Variants in PDZK1 observed in about 807,000 individuals in gnomAD.
The protein encoded by PDZK1 is Na(+)/H(+) exchange regulatory cofactor NHE-RF3.
In PDZK1, 23 loss-of-function variants were observed where a neutral mutation model predicts 38.1. The observed-to-expected ratio is 0.60, with a 90% CI of 0.43 to 0.85. PDZK1 has a LOEUF of 0.85. PDZK1 is among the 40% of genes least tolerant of loss of function. PDZK1 has a pLI of 0.00. For synonymous variants in PDZK1, 98 were observed against 186.2 expected (o/e 0.53, Z 3.86); for missense variants, 297 against 504.3 (o/e 0.59, Z 3.94).
chr1:145,688,564 C>A (rs993068844), intron 1 of PDZK1, among the ~76,000 whole-genome samples: 1 of 151,888 alleles, frequency 6.6e-6, no homozygotes, highest in Non-Finnish European at 1.5e-5. Flanking sequence ...GAATAGGGAG[C>A]GGGATGGGAA....
At position 145,702,766 on chromosome 1, in the gene PDZK1, G is replaced by A. The variant is rs1038290010; in HGVS notation, c.-3+4551C>T. 5.9e-5 allele frequency among the ~76,000 whole-genome samples: 9 copies of A among 152,186 alleles called. No homozygotes were observed. The South Asian group carries it at 1.2e-3, about 21-fold the overall frequency. On this transcript the variant is annotated intron_variant, in intron 1 of 8. Transcript: ENST00000417171. ...AAATTAGCTGGGTGTGGTGGCGGAC[G>A]CCTGTAGTCCAAGCTACTCGGGAGG...
intron 5 of PDZK1, among the ~76,000 whole-genome samples, chr1:145,679,742 C>A (rs1286507918): frequency 2.0e-5 from 3 of 152,140 alleles, no homozygotes; most frequent in Non-Finnish European, 4.4e-5. Flanking sequence ...ATGTGCAAAG[C>A]CCCCAAGACA....
intron 3 of PDZK1, among the ~76,000 whole-genome samples, chr1:145,685,260 T>C (rs1553701406): frequency 6.6e-6 from 1 of 152,064 alleles, no homozygotes; most frequent in East Asian, 1.9e-4. Context: ...AAGGGATCGC[T>C]TGCTAATGAC....
intron 1 of PDZK1, among the ~76,000 whole-genome samples, chr1:145,694,840 T>C (rs1163559139): frequency 2.3e-5 from 3 of 129,724 alleles, no homozygotes; most frequent in East Asian, 2.3e-4. Flanking sequence ...GAGGTTACAG[T>C]GTGCTGAGAT....
intron 1 of PDZK1, 128 bp downstream of exon 1, chr1:145,707,189 A>G (rs1451774015): frequency 1.3e-5 from 2 of 152,298 alleles, no homozygotes; most frequent in Non-Finnish European, 2.9e-5. Flanking sequence ...CTGCCTCCCC[A>G]TGGGACTCTT....
intron 1 of PDZK1, among the ~76,000 whole-genome samples, chr1:145,693,055 C>G (rs1655352725): frequency 1.3e-5 from 2 of 152,064 alleles, no homozygotes; most frequent in Admixed American, 6.5e-5. Flanking sequence ...AGAGACCAGA[C>G]AAAACATGGG....
chr1:145,671,278 G>T lies in PDZK1; in HGVS notation c.*158C>A. 3 of 1,219,130 alleles carry T rather than the reference G, an allele frequency of 2.5e-6. No homozygotes were observed. Among genetic ancestry groups the T allele is most frequent in the Non-Finnish European group, 3.3e-6 (3 of 902,486 alleles). The allele number at this position is 1,219,130 out of a possible 1,614,324, so 75.5% of individuals were successfully genotyped here. A position where few individuals can be genotyped will look rare whatever the true frequency, so the allele number is the denominator to read the frequency against. ...TGCAATAGCCGCCTGTAAGACAAAT[G>T]ATAACAGAAGACAATCACACATGGT... is the stretch of plus-strand genomic sequence containing the variant. On this transcript the variant is annotated 3_prime_UTR_variant, in exon 9 of 9. Coordinates refer to ENST00000417171, the MANE Select transcript of PDZK1 (RefSeq NM_001201325.2).
chr1:145,706,198 G>A (rs782646023), intron 1 of PDZK1, among the ~76,000 whole-genome samples: 15 of 152,180 alleles, frequency 9.9e-5, no homozygotes, highest in Non-Finnish European at 1.8e-4. Flanking sequence ...TCAAAACTCT[G>A]ATGATTTGTA....
At chr1:145,681,796 C>G (rs1654288741) in intron 4 of PDZK1, among the ~76,000 whole-genome samples, 1 of 100,492 alleles carries the variant, frequency 1.0e-5, no homozygotes, top group African/African-American at 4.6e-5. Flanking sequence ...TTTTAAGGTT[C>G]CATATGACCT....
At chr1:145,703,477 A>T (rs1175253743) in intron 1 of PDZK1, among the ~76,000 whole-genome samples, 1 of 152,162 alleles carries the variant, frequency 6.6e-6, no homozygotes, top group Non-Finnish European at 1.5e-5. Flanking sequence ...ACAAGGAAAA[A>T]GAAAAGAGAC....
intron 1 of PDZK1, chr1:145,691,775 A>T (rs1553703225): frequency 2.0e-5 from 3 of 152,028 alleles, no homozygotes; most frequent in Non-Finnish European, 4.4e-5. Flanking sequence ...GCACCACTGC[A>T]CTCCAGCCTG....
intron 8 of PDZK1, 67 bp from the exon 9 acceptor site, chr1:145,671,556 GT>G: frequency 1.0e-6 from 1 of 977,554 alleles, no homozygotes; most frequent in Non-Finnish European, 1.5e-6. Context: ...CTATTCTAGA[GT>G]TGCATGACTT....
At chr1:145,705,313 A>T (rs994411281) in intron 1 of PDZK1, among the ~76,000 whole-genome samples, 6 of 151,530 alleles carry the variant, frequency 4.0e-5, no homozygotes, top group African/African-American at 1.5e-4. Context: ...CTGGTCTTGA[A>T]CTCCTGACCT....
intron 1 of PDZK1, chr1:145,691,685 T>G (rs1318531938): frequency 6.6e-6 from 1 of 152,190 alleles, no homozygotes; most frequent in African/African-American, 2.4e-5. Flanking sequence ...GGTACACATC[T>G]TTAGTCCCAG....
At chr1:145,693,497 G>A (rs140088440) in intron 1 of PDZK1, among the ~76,000 whole-genome samples, 2,990 of 151,624 alleles carry the variant, frequency 0.02, 43 homozygotes, top group South Asian at 0.029. Context: ...TGCCGGGCGC[G>A]GTGGCTCACG....
At position 145,677,790 on chromosome 1, in the gene PDZK1, T is replaced by C. The variant is rs587606850; in HGVS notation, c.990+659A>G. On this transcript the variant is annotated intron_variant, in intron 6 of 8. Coordinates refer to ENST00000417171, the MANE Select transcript of PDZK1 (RefSeq NM_001201325.2). ...TATTTTAGATTCTACTATCATTGTA[T>C]ATCACAGAGGACATTTATCTTGTTC... 4.6e-4 allele frequency among the ~76,000 whole-genome samples: 68 copies of C among 148,506 alleles called. 2 individuals carry two copies. The highest frequency in any genetic ancestry group is 1.6e-3 in the African/African-American group (63 of 39,126).
At chr1:145,680,336 G>A (rs1429304097) in intron 5 of PDZK1, among the ~76,000 whole-genome samples, 1 of 152,078 alleles carries the variant, frequency 6.6e-6, no homozygotes, top group African/African-American at 2.4e-5. Context: ...ACTTATGGGC[G>A]AATAGCAGTT....
chr1:145,697,898 A>G (rs1383684643), intron 1 of PDZK1, among the ~76,000 whole-genome samples: 1 of 148,796 alleles, frequency 6.7e-6, no homozygotes, highest in Non-Finnish European at 1.5e-5. Context: ...GATTACAGGC[A>G]TGAGCCACTG....
At chr1:145,689,042 T>C (rs1655032521) in intron 1 of PDZK1, among the ~76,000 whole-genome samples, 1 of 152,082 alleles carries the variant, frequency 6.6e-6, no homozygotes, top group Non-Finnish European at 1.5e-5. Context: ...CTGAAGTCTC[T>C]AGCCACAGCA....
Sources: allele counts gnomAD v4.1 joint callset (sites outside exome capture counted in the v4.1 genomes callset), GRCh38; gene constraint gnomAD v4.1.1; transcripts MANE v1.5; gene names NCBI Gene and HGNC (gene_info 2026-07-23, HGNC 2026-07-21).